Variants in ACVR1C observed in about 807,000 individuals in gnomAD.
The protein encoded by ACVR1C is activin A receptor type 1C, also known as activin receptor type-1C.
ACVR1C carries 23 observed loss-of-function variants against 57.9 expected under a neutral mutation model. The observed-to-expected ratio is 0.40, with a 90% CI of 0.29 to 0.56. ACVR1C has a LOEUF of 0.56. Ranked by LOEUF, ACVR1C falls within the 20% of genes least tolerant of loss-of-function variation. The probability of loss-of-function intolerance (pLI) is 0.50; values close to 1 mark genes in which losing one functional copy is unlikely to be tolerated. For synonymous variants in ACVR1C, 214 were observed against 215.3 expected, an observed-to-expected ratio of 0.99 and a Z score of 0.05; for missense variants, 480 against 607.9, an observed-to-expected ratio of 0.79 and a Z score of 2.21.
chr2:157,621,868 C>A (rs932478896), intron 1 of ACVR1C, among the ~76,000 whole-genome samples: 2 of 152,164 alleles, frequency 1.3e-5, no homozygotes, highest in African/African-American at 4.8e-5. Flanking sequence ...GCTCCTCTAC[C>A]TTTATCCTTG....
intron 1 of ACVR1C, among the ~76,000 whole-genome samples, chr2:157,608,817 T>C (rs1470995531): frequency 2.6e-5 from 4 of 151,988 alleles, no homozygotes; most frequent in Non-Finnish European, 4.4e-5. Context: ...GTATCAATTA[T>C]AGTATCTCCT....
chr2:157,584,859 T>A (rs1005055674), intron 2 of ACVR1C, among the ~76,000 whole-genome samples: 12 of 152,182 alleles, frequency 7.9e-5, no homozygotes, highest in Non-Finnish European at 1.5e-4. Flanking sequence ...ATGGATTTTT[T>A]AAAATTGTAA....
At chr2:157,546,887 G>T (rs768461452) in intron 4 of ACVR1C, among the ~76,000 whole-genome samples, 14 of 151,180 alleles carry the variant, frequency 9.3e-5, no homozygotes, top group South Asian at 4.2e-4. Context: ...TACATATGTA[G>T]ACATGTGCCA....
intron 2 of ACVR1C, among the ~76,000 whole-genome samples, chr2:157,583,193 A>G (rs1688832401): frequency 6.6e-6 from 1 of 152,224 alleles, no homozygotes; most frequent in African/African-American, 2.4e-5. Context: ...TCAGGATATC[A>G]TAAATAAAAT....
chr2:157,572,163 C>T (rs13010677), intron 2 of ACVR1C, among the ~76,000 whole-genome samples: 34,563 of 113,170 alleles, frequency 0.31, 5,774 homozygotes, highest in Non-Finnish European at 0.38. Context: ...GGGAATTGAA[C>T]AATGAGATCA....
chr2:157,543,865 T>G (rs1446634277), intron 5 of ACVR1C, among the ~76,000 whole-genome samples: 1 of 152,056 alleles, frequency 6.6e-6, no homozygotes, highest in African/African-American at 2.4e-5. Context: ...ACATTTGCCA[T>G]TAAAGCAAGA....
intron 1 of ACVR1C, among the ~76,000 whole-genome samples, chr2:157,616,147 A>G (rs1292871357): frequency 2.0e-5 from 3 of 152,038 alleles, no homozygotes; most frequent in South Asian, 2.1e-4. Context: ...CCATTTACAC[A>G]TATTTTATAT....
At position 157,567,348 on chromosome 2, in the gene ACVR1C, A is replaced by G. The variant is rs1283270162; in HGVS notation, c.305-11016T>C. Reference sequence around the variant, plus strand: ...AGGAACGCAGTTCCTCACCAGCAACAGAACAAAGCTGGATGGAGAATGATT... The same window carrying G: ...AGGAACGCAGTTCCTCACCAGCAACGGAACAAAGCTGGATGGAGAATGATT... On this transcript the variant is annotated intron_variant, in intron 2 of 8. Coordinates refer to ENST00000243349, the MANE Select transcript of ACVR1C (RefSeq NM_145259.3). Among the ~76,000 whole-genome samples the G allele has an allele frequency of 3.9e-5, 4 of 103,460 alleles. 1 individual carries two copies. The Middle Eastern group carries it at 0.014, about 359-fold the overall frequency. The allele number at this position is 103,460 out of a possible 152,430, so 67.9% of individuals were successfully genotyped here.
At chr2:157,560,591 C>T (rs918198382) in intron 2 of ACVR1C, among the ~76,000 whole-genome samples, 8 of 152,190 alleles carry the variant, frequency 5.3e-5, no homozygotes, top group Admixed American at 5.2e-4. Context: ...CCTGCATCAA[C>T]CAATCAGAAC....
At chr2:157,590,319 A>C (rs540633673) in intron 1 of ACVR1C, among the ~76,000 whole-genome samples, 17 of 152,040 alleles carry the variant, frequency 1.1e-4, no homozygotes, top group African/African-American at 4.1e-4. Context: ...TTGCTTTTGT[A>C]GTACTTATAA....
intron 4 of ACVR1C, among the ~76,000 whole-genome samples, chr2:157,546,071 C>T (rs115806777): frequency 0.013 from 2,012 of 152,288 alleles, 50 homozygotes; most frequent in African/African-American, 0.046. Context: ...TGTGAGCCAC[C>T]GTGCCTGGCC....
chr2:157,617,327 A>C (rs1682677181), intron 1 of ACVR1C, among the ~76,000 whole-genome samples: 1 of 152,082 alleles, frequency 6.6e-6, no homozygotes, highest in Non-Finnish European at 1.5e-5. Context: ...GAAACAGACA[A>C]ATACATAAGT....
intron 2 of ACVR1C, among the ~76,000 whole-genome samples, chr2:157,558,853 T>C (rs1009520186): frequency 2.6e-5 from 4 of 152,258 alleles, no homozygotes; most frequent in African/African-American, 9.6e-5. Flanking sequence ...TCAAACTGTC[T>C]CCATATTTTT....
At chr2:157,566,098 C>T (rs1018688426) in intron 2 of ACVR1C, among the ~76,000 whole-genome samples, 2 of 152,176 alleles carry the variant, frequency 1.3e-5, no homozygotes, top group African/African-American at 4.8e-5. Context: ...GTTATCAAAA[C>T]ACATATTCTC....
Position 157,544,542 on chromosome 2 carries a change from C to T in ACVR1C, c.846G>A (p.Leu282=), listed in dbSNP as rs2105209986. Residue 282 remains leucine (L), a synonymous_variant, in exon 5 of 9, where the codon TTG becomes TTA. Coordinates refer to ENST00000243349, the MANE Select transcript of ACVR1C (RefSeq NM_145259.3). The part of the protein sequence containing the change: ...YHEQGSLYDY[L]NRNIVTVAGM... Reference sequence around the variant, plus strand: ...CAGCCACGGTCACTATATTTCTATTCAAATAGTCATATAAGGAGCCCTGTT... The same window carrying T: ...CAGCCACGGTCACTATATTTCTATTTAAATAGTCATATAAGGAGCCCTGTT... 4 of 1,613,816 alleles carry T rather than the reference C, an allele frequency of 2.5e-6. No homozygotes were observed. The East Asian group carries it at 6.7e-5, about 27-fold the overall frequency.
chr2:157,597,335 C>G, intron 1 of ACVR1C: 1 of 985,692 alleles, frequency 1.0e-6, no homozygotes, highest in South Asian at 4.7e-5. Flanking sequence ...GGCACCCCGG[C>G]CCGCCCCCGG....
At position 157,555,101 on chromosome 2, in the gene ACVR1C, C is replaced by CTTTTTTTT. The variant is rs60269781; in HGVS notation, c.544+984_544+991dup. 1.4e-4 allele frequency among the ~76,000 whole-genome samples: 12 copies of CTTTTTTTT among 83,944 alleles called. 1 individual carries two copies. Among genetic ancestry groups the CTTTTTTTT allele is most frequent in the African/African-American group, 7.1e-4 (12 of 16,852 alleles). The allele number at this position is 83,944 out of a possible 152,430, so 55.1% of individuals were successfully genotyped here. ...ATAATACAGCCTGGTACTTTGAACG[C>CTTTTTTTT]TTTTTTTTTTTTTTTTTTTTTTTTT... On this transcript the variant is annotated intron_variant, in intron 3 of 8. Coordinates refer to ENST00000243349, the MANE Select transcript of ACVR1C (RefSeq NM_145259.3).
chr2:157,547,348 G>T (rs1687786834), intron 4 of ACVR1C, among the ~76,000 whole-genome samples: 2 of 75,044 alleles, frequency 2.7e-5, no homozygotes, highest in South Asian at 1.1e-3. Context: ...TGGGATGGCT[G>T]GGTCAAATGG....
rs184321276 is a variant in ACVR1C at position 157,540,481 on chromosome 2, A to G, written c.1225+609T>C. 6.2e-4 allele frequency among the ~76,000 whole-genome samples: 95 copies of G among 152,022 alleles called. 1 individual carries two copies. Among genetic ancestry groups the G allele is most frequent in the Non-Finnish European group, 1.2e-3 (84 of 67,980 alleles). ...GCCTGGCTAATTTTGTATTTTTAGT[A>G]GAGACAGGTTTCTCCACGTTGGTCA... On this transcript the variant is annotated intron_variant, in intron 7 of 8. Coordinates refer to ENST00000243349, the MANE Select transcript of ACVR1C (RefSeq NM_145259.3).
Sources: allele counts gnomAD v4.1 joint callset (sites outside exome capture counted in the v4.1 genomes callset), GRCh38; gene constraint gnomAD v4.1.1; transcripts MANE v1.5; gene names NCBI Gene and HGNC (gene_info 2026-07-23, HGNC 2026-07-21).